The following LRRC53 variants were observed in gnomAD, a reference collection of about 807,000 sequenced individuals.
LRRC53 encodes leucine rich repeat containing 53.
In LRRC53, 25 loss-of-function variants were observed where a neutral mutation model predicts 13.6. That is an observed-to-expected ratio of 1.83 (90% confidence interval 1.34 to 2.56). The LOEUF is 2.56. Ranked by LOEUF, LRRC53 falls within the 30% of genes most tolerant of loss-of-function variation. The probability of loss-of-function intolerance (pLI) is 0.00; values close to 1 mark genes in which losing one functional copy is unlikely to be tolerated. For missense variants in LRRC53, 527 were observed against 275.8 expected (o/e 1.91, Z -6.45); for synonymous variants, 204 against 109.8 (o/e 1.86, Z -5.37).
intron 1 of LRRC53, among the ~76,000 whole-genome samples, chr1:74,498,256 C>T (rs1197504843): frequency 6.6e-6 from 1 of 152,142 alleles, no homozygotes; most frequent in Non-Finnish European, 1.5e-5. Context: ...TTGACATCCC[C>T]CTTATCTTGT....
rs1667919713 is a variant in LRRC53, at chr1:74,471,241, T to A, written c.2381A>T (p.Lys794Met). ...GTTTCGTTGATAATATGGGGTCTGCTTTGAGTCATGTTTCAGAGGCAGCCT... is the reference window on the plus strand; with the variant it reads ...GTTTCGTTGATAATATGGGGTCTGCATTGAGTCATGTTTCAGAGGCAGCCT... ...SKRLPLKHDS[K>M]QTPYYQRNTK... The change falls in exon 5 of 5, where the codon AAG becomes ATG. Residue 794 changes from lysine to methionine, a missense_variant. Lys to Met is a moderately conservative substitution (Grantham distance 95, BLOSUM62 -1). Coordinates refer to ENST00000294635, the MANE Select transcript of LRRC53 (RefSeq NM_001382280.1). 2.5e-6 allele frequency: 1 copy of A among 400,646 alleles called. No individual in the cohort carries two copies. Among genetic ancestry groups the A allele is most frequent in the Admixed American group, 4.4e-5 (1 of 22,728 alleles). The allele number at this position is 400,646 out of a possible 1,614,324, so 24.8% of individuals were successfully genotyped here.
At chr1:74,503,771 A>T (rs1052117057) in intron 1 of LRRC53, among the ~76,000 whole-genome samples, 1 of 152,230 alleles carries the variant, frequency 6.6e-6, no homozygotes, top group East Asian at 1.9e-4. Flanking sequence ...TTTTAAGCTC[A>T]TAACTTCTTG....
intron 1 of LRRC53, among the ~76,000 whole-genome samples, chr1:74,495,383 T>A (rs1208578087): frequency 6.6e-6 from 1 of 152,192 alleles, no homozygotes; most frequent in Non-Finnish European, 1.5e-5. Flanking sequence ...ATCCTTAGTA[T>A]CTATCTAGCA....
At chr1:74,506,187 G>C (rs1458571762) in intron 1 of LRRC53, among the ~76,000 whole-genome samples, 2 of 152,210 alleles carry the variant, frequency 1.3e-5, no homozygotes, top group Non-Finnish European at 2.9e-5. Context: ...GTTTTGATCT[G>C]TGACATAGAA....
At chr1:74,506,702 C>A (rs1034857841) in intron 1 of LRRC53, among the ~76,000 whole-genome samples, 1 of 152,156 alleles carries the variant, frequency 6.6e-6, no homozygotes. Flanking sequence ...TTTTAACAGG[C>A]GACTTGCAAA....
At chr1:74,527,217 G>A in the LRRC53 span, among the ~76,000 whole-genome samples, 2 of 152,152 alleles carry the variant, frequency 1.3e-5, no homozygotes, top group Admixed American at 6.6e-5. Context: ...AGACTCATAA[G>A]GCTCATCCTT....
chr1:74,473,574 AAAATTAAC>A (rs1668044218), intron 4 of LRRC53, among the ~76,000 whole-genome samples: 1 of 151,638 alleles, frequency 6.6e-6, no homozygotes, highest in Non-Finnish European at 1.5e-5. Flanking sequence ...GTTAGGCCTC[AAAATTAAC>A]TTTTAGTAGA....
intron 1 of LRRC53, among the ~76,000 whole-genome samples, chr1:74,488,050 T>G (rs1557600792): frequency 6.6e-6 from 1 of 152,216 alleles, no homozygotes; most frequent in Non-Finnish European, 1.5e-5. Context: ...GAGGTCAGGC[T>G]ATTTTAATGA....
At chr1:74,523,394 A>G in the LRRC53 span, among the ~76,000 whole-genome samples, 3 of 151,662 alleles carry the variant, frequency 2.0e-5, no homozygotes, top group Non-Finnish European at 4.4e-5. Context: ...TTTTTCCTTT[A>G]TTGTGTTTGT....
chr1:74,497,936 C>G (rs562663884), intron 1 of LRRC53, among the ~76,000 whole-genome samples: 4 of 152,230 alleles, frequency 2.6e-5, no homozygotes, highest in African/African-American at 7.2e-5. Context: ...TACTGTCGCT[C>G]TCTCTCTTCT....
the LRRC53 span, among the ~76,000 whole-genome samples, chr1:74,530,175 C>G: frequency 6.6e-6 from 1 of 152,140 alleles, no homozygotes; most frequent in Non-Finnish European, 1.5e-5. Flanking sequence ...GGGTCTATAT[C>G]CATCACACTC....
At chr1:74,489,303 C>A (rs1176058996) in intron 1 of LRRC53, 4 of 1,566,334 alleles carry the variant, frequency 2.6e-6, no homozygotes, top group Non-Finnish European at 3.5e-6. Flanking sequence ...ATATCCAAGG[C>A]TGTCAGGGAA....
the LRRC53 span, among the ~76,000 whole-genome samples, chr1:74,527,669 A>G: frequency 6.6e-6 from 1 of 152,126 alleles, no homozygotes; most frequent in Admixed American, 6.5e-5. Flanking sequence ...GTTGATCTAC[A>G]TGTGTTGGGC....
chr1:74,509,723 T>C (rs1238842784), intron 1 of LRRC53, among the ~76,000 whole-genome samples: 1 of 151,446 alleles, frequency 6.6e-6, no homozygotes, highest in African/African-American at 2.4e-5. Flanking sequence ...TGAACTGCTT[T>C]CTGGTTTTGA....
the LRRC53 span, among the ~76,000 whole-genome samples, chr1:74,533,913 T>C: frequency 6.6e-6 from 1 of 152,194 alleles, no homozygotes; most frequent in African/African-American, 2.4e-5. Context: ...AGAAAGAGTA[T>C]GGAATGAAAG....
intron 1 of LRRC53, among the ~76,000 whole-genome samples, chr1:74,489,486 A>G (rs77675360): frequency 3.9e-4 from 60 of 152,364 alleles, no homozygotes; most frequent in African/African-American, 1.3e-3. Context: ...AGGCAAATGG[A>G]CACAGTCATG....
chr1:74,481,289 C>A (rs1668487747), intron 2 of LRRC53, among the ~76,000 whole-genome samples: 1 of 152,130 alleles, frequency 6.6e-6, no homozygotes, highest in Admixed American at 6.5e-5. Context: ...GGTGTCTTTT[C>A]AGGCCCTCCC....
chr1:74,504,791 G>C (rs1361195511), intron 1 of LRRC53, among the ~76,000 whole-genome samples: 1 of 152,090 alleles, frequency 6.6e-6, no homozygotes, highest in Non-Finnish European at 1.5e-5. Flanking sequence ...GTAATTTCGT[G>C]TTCTTTTCTA....
intron 1 of LRRC53, among the ~76,000 whole-genome samples, chr1:74,496,050 A>C (rs977509315): frequency 6.6e-6 from 1 of 152,174 alleles, no homozygotes; most frequent in African/African-American, 2.4e-5. Flanking sequence ...TCATCTGGGA[A>C]GCTTTTACAA....
Sources: gnomAD v4.1 joint callset for allele counts (sites outside exome capture counted in the v4.1 genomes callset) on GRCh38, gnomAD v4.1.1 for gene constraint, MANE v1.5 for transcripts, NCBI Gene and HGNC (gene_info 2026-07-23, HGNC 2026-07-21) for gene names.